CTNNA3: variants seen among roughly 807,000 people sequenced by gnomAD.
The protein encoded by CTNNA3 is catenin alpha-3.
Under a neutral mutation model 95.7 loss-of-function variants are expected in CTNNA3, and 76 were observed. The ratio of observed to expected loss-of-function variants is 0.79; its 90% CI spans 0.66 to 0.96. The LOEUF (loss-of-function observed/expected upper bound fraction) is 0.96, where lower values mean the gene tolerates loss of function less well. Among genes scored for constraint, CTNNA3 ranks in the 40% least tolerant of loss-of-function variants. The pLI, the probability that CTNNA3 is intolerant of heterozygous loss-of-function variation, is 0.00. For synonymous variants in CTNNA3, 431 were observed against 374.4 expected (o/e 1.15, Z -1.74); for missense variants, 1,191 against 1,089.8 (o/e 1.09, Z -1.31).
chr10:66,661,017 C>T (rs1024848849), intron 9 of CTNNA3, among the ~76,000 whole-genome samples: 2 of 152,032 alleles, frequency 1.3e-5, no homozygotes, highest in Non-Finnish European at 2.9e-5. Flanking sequence ...ATTAAGTGCT[C>T]AGTACAGTGC....
At chr10:66,790,075 A>G (rs1001066321) in intron 7 of CTNNA3, among the ~76,000 whole-genome samples, 2 of 152,192 alleles carry the variant, frequency 1.3e-5, no homozygotes, top group African/African-American at 4.8e-5. Flanking sequence ...AGGTGTCTCA[A>G]TGAAAAGAAA....
chr10:66,165,891 C>T (rs1385648058), intron 13 of CTNNA3, among the ~76,000 whole-genome samples: 1 of 151,858 alleles, frequency 6.6e-6, no homozygotes, highest in African/African-American at 2.4e-5. Flanking sequence ...CCTCAGCCTC[C>T]CAAGTAGCTG....
intron 10 of CTNNA3, among the ~76,000 whole-genome samples, chr10:66,525,457 G>A (rs1198548646): frequency 2.0e-5 from 3 of 152,070 alleles, no homozygotes; most frequent in Non-Finnish European, 4.4e-5. Context: ...TTAAGGAGAA[G>A]TTGTCAACTT....
chr10:66,111,824 T>TG (rs1471117804), intron 13 of CTNNA3, among the ~76,000 whole-genome samples: 1 of 152,156 alleles, frequency 6.6e-6, no homozygotes, highest in African/African-American at 2.4e-5. Flanking sequence ...TAATGGAACT[T>TG]GAAGTTAGGA....
chr10:67,141,325 C>T (rs1458330404), intron 7 of CTNNA3, among the ~76,000 whole-genome samples: 12 of 151,920 alleles, frequency 7.9e-5, no homozygotes, highest in Middle Eastern at 3.2e-3. Context: ...CAAGCAAGTG[C>T]TATATAACAA....
rs372848294 is a variant in CTNNA3, at chr10:66,252,121, G to C, written c.1884+28349C>G. Among the ~76,000 whole-genome samples, 20 of 152,256 alleles carry C rather than the reference G, an allele frequency of 1.3e-4. No homozygotes were observed. The East Asian group carries it at 1.5e-3, about 12-fold the overall frequency. On this transcript the variant is annotated intron_variant, in intron 13 of 17. Transcript: ENST00000433211. ...TTTGAAAAGAAGGCAGTGTTGATGA[G>C]AGTAAAAAAGACAATGATATATATA...
chr10:66,101,731 A>G (rs2081640437), intron 14 of CTNNA3, among the ~76,000 whole-genome samples: 1 of 152,222 alleles, frequency 6.6e-6, no homozygotes, highest in East Asian at 1.9e-4. Context: ...AATATTTTAC[A>G]TAATATGTTG....
chr10:66,379,951 C>T (rs914353362), intron 11 of CTNNA3, among the ~76,000 whole-genome samples: 2 of 152,118 alleles, frequency 1.3e-5, no homozygotes, highest in African/African-American at 4.8e-5. Context: ...AATGAAGATG[C>T]ACAAATATGT....
chr10:66,887,862 G>A (rs1845103191), intron 7 of CTNNA3, among the ~76,000 whole-genome samples: 1 of 152,146 alleles, frequency 6.6e-6, no homozygotes, highest in Non-Finnish European at 1.5e-5. Context: ...GGACAGGAAG[G>A]AGGTTACTCT....
intron 9 of CTNNA3, among the ~76,000 whole-genome samples, chr10:66,683,635 A>C (rs7894162): frequency 0.55 from 84,190 of 151,984 alleles, 24,068 homozygotes; most frequent in African/African-American, 0.68. Flanking sequence ...CAAGTCATCA[A>C]CATGGGAATG....
chr10:67,096,326 G>A (rs539766834), intron 7 of CTNNA3, among the ~76,000 whole-genome samples: 12 of 151,802 alleles, frequency 7.9e-5, no homozygotes, highest in African/African-American at 2.9e-4. Context: ...TGGCAAAGAC[G>A]GTTCTAATGC....
intron 3 of CTNNA3, among the ~76,000 whole-genome samples, chr10:67,597,449 C>A (rs935970083): frequency 6.6e-6 from 1 of 152,142 alleles, no homozygotes; most frequent in African/African-American, 2.4e-5. Flanking sequence ...CTTTTATATT[C>A]TTTGATGCCC....
intron 7 of CTNNA3, among the ~76,000 whole-genome samples, chr10:67,157,650 A>C (rs1861368076): frequency 6.6e-6 from 1 of 152,122 alleles, no homozygotes; most frequent in Admixed American, 6.5e-5. Context: ...CTCTAGGAAA[A>C]ACCAGGAATT....
chr10:67,688,113 T>C (rs560453969), intron 1 of CTNNA3, among the ~76,000 whole-genome samples: 34 of 152,322 alleles, frequency 2.2e-4, no homozygotes, highest in African/African-American at 7.2e-4. Context: ...GTCAAAGGTT[T>C]GCCCTAGACC....
intron 7 of CTNNA3, among the ~76,000 whole-genome samples, chr10:67,041,867 T>C (rs568229579): frequency 2.8e-4 from 43 of 152,274 alleles, no homozygotes; most frequent in East Asian, 1.9e-4. Flanking sequence ...AATAAGGCTG[T>C]AATGATTCAT....
At position 66,567,459 on chromosome 10, in the gene CTNNA3, A is replaced by G. The variant is rs1271838459; in HGVS notation, c.1375-46686T>C. On this transcript the variant is annotated intron_variant, in intron 10 of 17. Transcript: ENST00000433211. ...CATAGTGAGACCCTGTCTCTGTGAA[A>G]AATAAGATAATTAGCTGGGCATGGT... Among the ~76,000 whole-genome samples the G allele has an allele frequency of 2.0e-5, 3 of 151,994 alleles. No individual in the cohort carries two copies. In the East Asian group the frequency reaches 5.8e-4, roughly 29 times the overall value.
intron 2 of CTNNA3, among the ~76,000 whole-genome samples, chr10:67,627,654 G>A (rs1053127244): frequency 2.6e-5 from 4 of 152,028 alleles, no homozygotes; most frequent in African/African-American, 9.7e-5. Flanking sequence ...AGATAATTTT[G>A]ACATCTTGTT....
At chr10:67,740,114 G>T (rs939855385) in intron 1 of CTNNA3, among the ~76,000 whole-genome samples, 1 of 152,144 alleles carries the variant, frequency 6.6e-6, no homozygotes, top group Non-Finnish European at 1.5e-5. Flanking sequence ...TATGTAGAAA[G>T]TTGAAACTGG....
intron 7 of CTNNA3, among the ~76,000 whole-genome samples, chr10:66,898,002 G>A (rs1461528712): frequency 1.3e-5 from 2 of 152,136 alleles, no homozygotes; most frequent in Non-Finnish European, 2.9e-5. Context: ...ACCAGAAAGT[G>A]AAAATGTGCT....
Sources: gnomAD v4.1 joint callset for allele counts (sites outside exome capture counted in the v4.1 genomes callset) on GRCh38, gnomAD v4.1.1 for gene constraint, MANE v1.5 for transcripts, NCBI Gene and HGNC (gene_info 2026-07-23, HGNC 2026-07-21) for gene names.